PLXNA4: variants seen among roughly 807,000 people sequenced by gnomAD.
PLXNA4 encodes plexin A4.
PLXNA4 carries 44 observed loss-of-function variants against 191.8 expected under a neutral mutation model. That is an observed-to-expected ratio of 0.23 (90% confidence interval 0.18 to 0.29). The LOEUF is 0.29. Among genes scored for constraint, PLXNA4 ranks in the 10% least tolerant of loss-of-function variants. The pLI, the probability that PLXNA4 is intolerant of heterozygous loss-of-function variation, is 1.00. For synonymous variants in PLXNA4, 1,082 were observed against 1,009.5 expected (o/e 1.07, Z -1.36); for missense variants, 1,800 against 2,488.8 (o/e 0.72, Z 5.89).
intron 1 of PLXNA4, among the ~76,000 whole-genome samples, chr7:132,521,795 C>T (rs528270812): frequency 5.4e-4 from 82 of 152,286 alleles, no homozygotes; most frequent in African/African-American, 1.7e-3. Flanking sequence ...CTCAACAAGC[C>T]GACCTCTACC....
Position 132,228,373 on chromosome 7 carries a change from A to G in PLXNA4, c.1701T>C (p.Asn567=). The G allele has an allele frequency of 2.5e-6, 4 of 1,614,024 alleles. No individual in the cohort carries two copies. Among genetic ancestry groups the G allele is most frequent in the Non-Finnish European group, 3.4e-6 (4 of 1,180,010 alleles). The part of the protein sequence containing the change: ...QCVRLTVHPN[N]ISVSQYNVLL... ...GCACGTTGTACTGAGAGACGGAGAT[A>G]TTGTTGGGATGGACCGTCAGCCGGA... Residue 567 remains asparagine, a synonymous_variant, in exon 6 of 32, where the codon AAT becomes AAC. Coordinates refer to ENST00000321063, the MANE Select transcript of PLXNA4 (RefSeq NM_020911.2).
intron 11 of PLXNA4, 84 bp downstream of exon 11, chr7:132,203,239 T>C: frequency 2.3e-6 from 3 of 1,277,546 alleles, no homozygotes; most frequent in Non-Finnish European, 3.4e-6. Context: ...GCAGAATGAC[T>C]CCCGCGAGAA....
At chr7:132,325,249 C>T (rs546276411) in intron 3 of PLXNA4, among the ~76,000 whole-genome samples, 133 of 152,296 alleles carry the variant, frequency 8.7e-4, no homozygotes, top group African/African-American at 2.8e-3. Flanking sequence ...TGCCTCAGAG[C>T]ATTGAAGAAG....
At chr7:132,599,879 G>A (rs1563191134) in intron 2 of PLXNA4, among the ~76,000 whole-genome samples, 3 of 151,992 alleles carry the variant, frequency 2.0e-5, no homozygotes, top group African/African-American at 7.2e-5. Context: ...TTTGCTAAGA[G>A]TTTTGTCATA....
intron 1 of PLXNA4, among the ~76,000 whole-genome samples, chr7:132,537,739 A>G (rs996623106): frequency 6.6e-6 from 1 of 152,240 alleles, no homozygotes; most frequent in African/African-American, 2.4e-5. Flanking sequence ...GTGAGGTGTC[A>G]AATTCACAAT....
Position 132,168,249 on chromosome 7 carries a change from G to A in PLXNA4, c.4286+55C>T, listed in dbSNP as rs117512563. On this transcript the variant is annotated intron_variant, in intron 22 of 31. Transcript: ENST00000321063. The stretch of plus-strand genomic sequence containing the variant: ...CCACCCGAGTCTCCCTGCAAGGCAC[G>A]GTGAGCCAGGTGCATGGCTAGGCTG... 39 of 1,465,284 alleles carry A rather than the reference G, an allele frequency of 2.7e-5. No homozygotes were observed. The South Asian group carries it at 3.6e-4, about 13-fold the overall frequency. 90.8% of individuals were successfully genotyped at this position (1,465,284 alleles called of 1,614,324 possible).
At chr7:132,477,398 T>C (rs1797172168) in intron 3 of PLXNA4, among the ~76,000 whole-genome samples, 1 of 152,180 alleles carries the variant, frequency 6.6e-6, no homozygotes, top group South Asian at 2.1e-4. Context: ...CTCTTTTCCT[T>C]TGGCCATGAG....
rs865809312 is a variant in PLXNA4, at chr7:132,124,127, A to G, written c.*6352T>C. 6.6e-6 allele frequency: 1 copy of G among 152,252 alleles called. No individual in the cohort carries two copies. Among genetic ancestry groups the G allele is most frequent in the African/African-American group, 2.4e-5 (1 of 41,464 alleles). The allele number at this position is 152,252 out of a possible 1,614,324, so 9.4% of individuals were successfully genotyped here. ...CAACACACGACTAAGCAAAGACCGT[A>G]TGTCTCAAGGACACCAGGCCAAGGT... On this transcript the variant is annotated 3_prime_UTR_variant, in exon 32 of 32. Coordinates refer to ENST00000321063, the MANE Select transcript of PLXNA4 (RefSeq NM_020911.2).
intron 3 of PLXNA4, among the ~76,000 whole-genome samples, chr7:132,389,158 G>C (rs1416074974): frequency 6.6e-6 from 1 of 152,106 alleles, no homozygotes; most frequent in Non-Finnish European, 1.5e-5. Context: ...GTAGATTCTG[G>C]ATACTAGCCC....
At chr7:132,390,389 G>A (rs953857756) in intron 3 of PLXNA4, among the ~76,000 whole-genome samples, 10 of 152,058 alleles carry the variant, frequency 6.6e-5, no homozygotes, top group Non-Finnish European at 1.3e-4. Flanking sequence ...GACACAGGGA[G>A]GGTAACATCA....
chr7:132,492,387 T>C (rs1730159916), intron 2 of PLXNA4, among the ~76,000 whole-genome samples: 1 of 152,210 alleles, frequency 6.6e-6, no homozygotes, highest in South Asian at 2.1e-4. Flanking sequence ...TTTGGCTGGT[T>C]ACATCATTCA....
At chr7:132,535,711 C>T (rs1175366958) in intron 1 of PLXNA4, among the ~76,000 whole-genome samples, 4 of 152,076 alleles carry the variant, frequency 2.6e-5, no homozygotes, top group African/African-American at 7.2e-5. Context: ...ATGCATTATA[C>T]CTTGGCCAAG....
chr7:132,328,658 G>A (rs1584998425), intron 3 of PLXNA4, among the ~76,000 whole-genome samples: 1 of 152,170 alleles, frequency 6.6e-6, no homozygotes, highest in African/African-American at 2.4e-5. Context: ...TGGCGAAACT[G>A]GAATGCAGAG....
intron 3 of PLXNA4, among the ~76,000 whole-genome samples, chr7:132,312,940 C>T (rs1801802254): frequency 6.6e-6 from 1 of 152,172 alleles, no homozygotes; most frequent in East Asian, 1.9e-4. Flanking sequence ...TCATGTTGCA[C>T]AGCTACGTCA....
chr7:132,170,330 G>T (rs879447607), intron 21 of PLXNA4, among the ~76,000 whole-genome samples: 1 of 152,160 alleles, frequency 6.6e-6, no homozygotes, highest in African/African-American at 2.4e-5. Context: ...AAAGCCCCAA[G>T]ACACAGAAGG....
chr7:132,342,850 G>A (rs1450985648), intron 3 of PLXNA4, among the ~76,000 whole-genome samples: 1 of 151,546 alleles, frequency 6.6e-6, no homozygotes, highest in African/African-American at 2.4e-5. Context: ...AGGTGGCTGA[G>A]GAGGGAGAAT....
At chr7:132,406,067 C>G (rs905801237) in intron 3 of PLXNA4, among the ~76,000 whole-genome samples, 5 of 152,186 alleles carry the variant, frequency 3.3e-5, no homozygotes, top group African/African-American at 1.2e-4. Context: ...GCAGAAATCC[C>G]ATTTTGCAAA....
chr7:132,489,571 G>T, intron 2 of PLXNA4, 97 bp from the exon 3 acceptor site: 3 of 1,069,350 alleles, frequency 2.8e-6, no homozygotes, highest in Non-Finnish European at 3.9e-6. Flanking sequence ...AATCCTTAGA[G>T]ATGAAACATC....
At chr7:132,286,605 CTCT>C (rs1800692125) in intron 4 of PLXNA4, among the ~76,000 whole-genome samples, 1 of 152,176 alleles carries the variant, frequency 6.6e-6, no homozygotes, top group South Asian at 2.1e-4. Flanking sequence ...CACATCATAG[CTCT>C]TCTTCTCTAT....
Sources: allele counts gnomAD v4.1 joint callset (sites outside exome capture counted in the v4.1 genomes callset), GRCh38; gene constraint gnomAD v4.1.1; transcripts MANE v1.5; gene names NCBI Gene and HGNC (gene_info 2026-07-23, HGNC 2026-07-21).